RPS6KC1: variants seen among roughly 807,000 people sequenced by gnomAD.
The protein encoded by RPS6KC1 is ribosomal protein S6 kinase C1, also known as inactive ribosomal protein S6 kinase delta-1.
RPS6KC1 carries 54 observed loss-of-function variants against 103.8 expected under a neutral mutation model. The observed-to-expected ratio is 0.52, with a 90% confidence interval of 0.42 to 0.65. The LOEUF (loss-of-function observed/expected upper bound fraction) is 0.65, where lower values mean the gene tolerates loss of function less well. Among genes scored for constraint, RPS6KC1 ranks in the 30% least tolerant of loss-of-function variants. The pLI is 0.00. For missense variants in RPS6KC1, 1,151 were observed against 1,253.8 expected, an observed-to-expected ratio of 0.92 and a Z score of 1.24; for synonymous variants, 439 against 438.7, an observed-to-expected ratio of 1.00 and a Z score of -0.01.
At chr1:213,860,334 C>T in the RPS6KC1 span, among the ~76,000 whole-genome samples, 9 of 151,036 alleles carry the variant, frequency 6.0e-5, no homozygotes, top group African/African-American at 1.7e-4. Flanking sequence ...TTCACTTCAA[C>T]GACTATTTAT....
chr1:213,508,523 A>C, the RPS6KC1 span, among the ~76,000 whole-genome samples: 1 of 151,762 alleles, frequency 6.6e-6, no homozygotes, highest in African/African-American at 2.4e-5. Flanking sequence ...CATCACCAGT[A>C]AGGGGTTTGT....
the RPS6KC1 span, among the ~76,000 whole-genome samples, chr1:213,538,145 T>G: frequency 1.1e-4 from 16 of 152,162 alleles, no homozygotes; most frequent in African/African-American, 3.6e-4. Flanking sequence ...AATAACTTCC[T>G]TCCTTTGAGA....
At chr1:213,180,014 A>G (rs760596129) in intron 8 of RPS6KC1, among the ~76,000 whole-genome samples, 6 of 152,230 alleles carry the variant, frequency 3.9e-5, no homozygotes, top group South Asian at 2.1e-4. Context: ...AGGGATAGTA[A>G]TTCCATAGCT....
intron 3 of RPS6KC1, among the ~76,000 whole-genome samples, chr1:213,102,238 A>G (rs911256909): frequency 1.3e-5 from 2 of 152,202 alleles, no homozygotes; most frequent in Non-Finnish European, 2.9e-5. Flanking sequence ...TCTGGAATCC[A>G]AGCTCCTGTC....
chr1:213,837,117 T>C, the RPS6KC1 span, among the ~76,000 whole-genome samples: 1 of 152,196 alleles, frequency 6.6e-6, no homozygotes, highest in Admixed American at 6.5e-5. Flanking sequence ...AGCTCCCATC[T>C]CTGCTGTGGT....
chr1:213,261,121 A>T (rs2149100525), intron 12 of RPS6KC1, among the ~76,000 whole-genome samples: 1 of 143,906 alleles, frequency 6.9e-6, no homozygotes, highest in African/African-American at 2.4e-5. Context: ...TCTGGTTTCT[A>T]ACCTGCAAGT....
At chr1:213,063,555 G>A (rs2078031492) in intron 1 of RPS6KC1, among the ~76,000 whole-genome samples, 1 of 152,204 alleles carries the variant, frequency 6.6e-6, no homozygotes, top group Non-Finnish European at 1.5e-5. Context: ...TTCATGAACA[G>A]AGGCAGATAG....
chr1:213,146,027 C>G (rs1422737436), intron 6 of RPS6KC1, among the ~76,000 whole-genome samples: 15 of 142,144 alleles, frequency 1.1e-4, no homozygotes, highest in South Asian at 2.3e-4. Context: ...TCCCTGTAAC[C>G]CCCCCACTAC....
At chr1:213,218,312 A>G (rs925785842) in intron 8 of RPS6KC1, among the ~76,000 whole-genome samples, 1 of 152,140 alleles carries the variant, frequency 6.6e-6, no homozygotes, top group Non-Finnish European at 1.5e-5. Flanking sequence ...CCAACTTACA[A>G]GGGACGTGAA....
At chr1:213,260,186 C>T (rs375534621) in intron 12 of RPS6KC1, among the ~76,000 whole-genome samples, 2 of 152,104 alleles carry the variant, frequency 1.3e-5, no homozygotes, top group Non-Finnish European at 2.9e-5. Context: ...TAGGAGACTT[C>T]GAGTCATTCA....
At chr1:213,260,908 C>G (rs2094776751) in intron 12 of RPS6KC1, among the ~76,000 whole-genome samples, 1 of 152,102 alleles carries the variant, frequency 6.6e-6, no homozygotes, top group Non-Finnish European at 1.5e-5. Flanking sequence ...TGTAGATATT[C>G]TAAAATCCCT....
the RPS6KC1 span, among the ~76,000 whole-genome samples, chr1:213,623,946 A>T: frequency 4.1e-4 from 63 of 152,358 alleles, no homozygotes; most frequent in African/African-American, 1.3e-3. Flanking sequence ...ACCGCTGGAC[A>T]CTGAAGAAGC....
the RPS6KC1 span, among the ~76,000 whole-genome samples, chr1:213,390,143 A>G: frequency 6.6e-6 from 1 of 152,206 alleles, no homozygotes; most frequent in African/African-American, 2.4e-5. Flanking sequence ...TTAATAATAA[A>G]AAAAATGATT....
At chr1:213,607,726 C>CACACAA in the RPS6KC1 span, among the ~76,000 whole-genome samples, 14 of 149,524 alleles carry the variant, frequency 9.4e-5, no homozygotes, top group South Asian at 3.0e-3. Context: ...CACACACACA[C>CACACAA]AAAATAAATA....
At chr1:213,736,988 AC>A in the RPS6KC1 span, among the ~76,000 whole-genome samples, 1 of 152,216 alleles carries the variant, frequency 6.6e-6, no homozygotes, top group African/African-American at 2.4e-5. Context: ...GAGGATGCCA[AC>A]AGGATGGGCT....
chr1:213,501,956 T>C, the RPS6KC1 span, among the ~76,000 whole-genome samples: 1 of 152,150 alleles, frequency 6.6e-6, no homozygotes, highest in Non-Finnish European at 1.5e-5. Flanking sequence ...CCCTCCATCC[T>C]TCCATTTCCT....
At chr1:213,094,501 C>T (rs1468108135) in intron 3 of RPS6KC1, among the ~76,000 whole-genome samples, 1 of 151,656 alleles carries the variant, frequency 6.6e-6, no homozygotes, top group Non-Finnish European at 1.5e-5. Context: ...GAACGTAGAA[C>T]AGTAGTTTTG....
the RPS6KC1 span, among the ~76,000 whole-genome samples, chr1:213,317,586 G>A: frequency 6.6e-6 from 1 of 152,162 alleles, no homozygotes; most frequent in African/African-American, 2.4e-5. Context: ...TAGGGGTGGG[G>A]CATCAATGTA....
At chr1:213,657,153 C>T in the RPS6KC1 span, among the ~76,000 whole-genome samples, 1 of 151,150 alleles carries the variant, frequency 6.6e-6, no homozygotes, top group Admixed American at 6.6e-5. Context: ...TGTGGATGAA[C>T]AAGTGAAAAA....
Sources: allele counts gnomAD v4.1 joint callset (sites outside exome capture counted in the v4.1 genomes callset), GRCh38; gene constraint gnomAD v4.1.1; transcripts MANE v1.5; gene names NCBI Gene and HGNC (gene_info 2026-07-23, HGNC 2026-07-21).